Variants in HIRA observed in about 807,000 individuals in gnomAD.
HIRA encodes the protein histone cell cycle regulator.
HIRA carries 13 observed loss-of-function variants against 126.6 expected under a neutral mutation model. That is an observed-to-expected ratio of 0.10 (90% CI 0.07 to 0.16). HIRA has a LOEUF of 0.16. Ranked by LOEUF, HIRA falls within the 10% of genes least tolerant of loss-of-function variation. The pLI, the probability that HIRA is intolerant of heterozygous loss-of-function variation, is 1.00. For missense variants in HIRA, 834 were observed against 1,314.4 expected (o/e 0.63, Z 5.65); for synonymous variants, 511 against 520.0 (o/e 0.98, Z 0.24).
chr22:19,410,937 G>A (rs1779795087), intron 1 of HIRA, among the ~76,000 whole-genome samples, 159 bp from the exon 2 acceptor site: 1 of 152,230 alleles, frequency 6.6e-6, no homozygotes, highest in Admixed American at 6.5e-5. Context: ...CCATCACTGA[G>A]AATGGCTGAG....
chr22:19,359,621 G>A, intron 17 of HIRA, 137 bp from the exon 18 acceptor site: 1 of 949,960 alleles, frequency 1.1e-6, no homozygotes, highest in East Asian at 3.2e-5. Context: ...AGGAGAGGGA[G>A]GGCAGGTAGG....
At chr22:19,361,036 T>C (rs2088858580) in intron 17 of HIRA, among the ~76,000 whole-genome samples, 1 of 152,170 alleles carries the variant, frequency 6.6e-6, no homozygotes, top group South Asian at 2.1e-4. Context: ...AGACAGAGGC[T>C]ATGGGTGAGT....
At chr22:19,428,471 C>G (rs1268891120) in intron 1 of HIRA, among the ~76,000 whole-genome samples, 1 of 152,052 alleles carries the variant, frequency 6.6e-6, no homozygotes, top group Non-Finnish European at 1.5e-5. Flanking sequence ...GTTGGGAAAC[C>G]CTACCTTAGA....
intron 20 of HIRA, 117 bp downstream of exon 20, chr22:19,356,113 C>T: frequency 1.0e-6 from 1 of 974,300 alleles, no homozygotes. Flanking sequence ...CACCTCCTGC[C>T]TCACTGAGAG....
In HIRA at chr22:19,387,723, G is replaced by A. The variant is rs767368439; in HGVS notation, c.1101C>T (p.Ser367=). The A allele has an allele frequency of 5.6e-6, 9 of 1,613,548 alleles. No homozygotes were observed. Among genetic ancestry groups the A allele is most frequent in the Middle Eastern group, 1.6e-4 (1 of 6,084 alleles). ...GCCGTCAGCCTACCTTCTCCTCCTC[G>A]CTCAGGGGATCGCCAAGCTCATCCT... ...FSQDELGDPL[S]EEEKSRIHQS... The change falls in exon 11 of 25, where the codon AGC becomes AGT. Residue 367 remains serine (S), a synonymous_variant. Transcript: ENST00000263208.
intron 24 of HIRA, among the ~76,000 whole-genome samples, chr22:19,341,572 A>C (rs2088629827): frequency 6.6e-6 from 1 of 152,186 alleles, no homozygotes; most frequent in Non-Finnish European, 1.5e-5. Context: ...AGTTACCACC[A>C]AAACAGCATG....
intron 24 of HIRA, among the ~76,000 whole-genome samples, chr22:19,340,688 T>G (rs534518985): frequency 2.0e-5 from 3 of 152,296 alleles, no homozygotes; most frequent in Non-Finnish European, 4.4e-5. Flanking sequence ...ACAAAATCAA[T>G]GTACACAAAT....
intron 8 of HIRA, among the ~76,000 whole-genome samples, chr22:19,392,946 CAGA>C (rs2089194407): frequency 6.6e-6 from 1 of 152,124 alleles, no homozygotes; most frequent in Admixed American, 6.5e-5. Context: ...CAACTGAGGG[CAGA>C]AGAAGGAGGG....
intron 5 of HIRA, among the ~76,000 whole-genome samples, chr22:19,403,785 T>C (rs1393530269): frequency 1.3e-5 from 2 of 152,214 alleles, no homozygotes; most frequent in Admixed American, 6.5e-5. Context: ...TTCCTTTCAA[T>C]TATAAATATT....
At chr22:19,415,135 G>A (rs1601856314) in intron 1 of HIRA, among the ~76,000 whole-genome samples, 1 of 151,946 alleles carries the variant, frequency 6.6e-6, no homozygotes, top group Non-Finnish European at 1.5e-5. Flanking sequence ...TTACAGGCTT[G>A]AGCCACCCCG....
At chr22:19,424,514 G>A (rs1391566203) in intron 1 of HIRA, among the ~76,000 whole-genome samples, 1 of 152,226 alleles carries the variant, frequency 6.6e-6, no homozygotes, top group Non-Finnish European at 1.5e-5. Flanking sequence ...GCAGTCAGAG[G>A]ACAAGCTCCA....
chr22:19,378,385 G>A (rs1420963142), intron 13 of HIRA, among the ~76,000 whole-genome samples: 2 of 152,230 alleles, frequency 1.3e-5, no homozygotes, highest in African/African-American at 4.8e-5. Context: ...GGAATGAAAT[G>A]CAGCAATACA....
chr22:19,404,171 C>T (rs2089290856), intron 5 of HIRA, among the ~76,000 whole-genome samples: 1 of 152,106 alleles, frequency 6.6e-6, no homozygotes, highest in African/African-American at 2.4e-5. Flanking sequence ...CTTTCTTATT[C>T]ATTTACTTCT....
chr22:19,427,543 C>T (rs1038662303), intron 1 of HIRA, among the ~76,000 whole-genome samples: 13 of 152,166 alleles, frequency 8.5e-5, no homozygotes, highest in Admixed American at 1.3e-4. Flanking sequence ...ATAATCCAAT[C>T]GCAGGACAGG....
chr22:19,369,825 G>A (rs1601823576), intron 15 of HIRA, among the ~76,000 whole-genome samples: 1 of 152,134 alleles, frequency 6.6e-6, no homozygotes, highest in Admixed American at 6.5e-5. Flanking sequence ...CCAGCTACTA[G>A]GGAGGCTGAG....
At chr22:19,409,972 C>T (rs1473886887) in intron 2 of HIRA, among the ~76,000 whole-genome samples, 1 of 152,228 alleles carries the variant, frequency 6.6e-6, no homozygotes, top group African/African-American at 2.4e-5. Flanking sequence ...ACCCACCCTG[C>T]AGCACCTGGC....
chr22:19,394,523 C>G lies in HIRA; in HGVS notation c.655-14G>C. On this transcript the variant is annotated splice_polypyrimidine_tract_variant and intron_variant, in intron 7 of 24. Coordinates refer to ENST00000263208, the MANE Select transcript of HIRA (RefSeq NM_003325.4). ...CGTTCCTCCACACTGAAAGAAGCAT[C>G]TGCACTTGAAAGGAGCTCAAGGCCA... 6.2e-7 allele frequency: 1 copy of G among 1,612,508 alleles called. No homozygotes were observed. Among genetic ancestry groups the G allele is most frequent in the Non-Finnish European group, 8.5e-7 (1 of 1,178,928 alleles).
intron 24 of HIRA, among the ~76,000 whole-genome samples, chr22:19,339,314 T>C (rs2088600483): frequency 1.3e-5 from 2 of 151,990 alleles, no homozygotes; most frequent in South Asian, 2.1e-4. Context: ...AAGAGGAAAG[T>C]TGATAGCATT....
Position 19,405,799 on chromosome 22 carries a change from C to G in HIRA, c.384G>C (p.Arg128=). 1.4e-6 allele frequency: 2 copies of G among 1,467,828 alleles called. No homozygotes were observed. Among genetic ancestry groups the G allele is most frequent in the Non-Finnish European group, 1.8e-6 (2 of 1,101,186 alleles). The allele number at this position is 1,467,828 out of a possible 1,614,324, so 90.9% of individuals were successfully genotyped here. A position where few individuals can be genotyped will look rare whatever the true frequency, so the allele number is the denominator to read the frequency against. ...AGTCCCACTCACCGCCTGAATGATT[C>G]CGGAGGATAGAGACACACCGCCACT... is the stretch of plus-strand genomic sequence containing the variant. ...VEQWRCVSIL[R]NHSGDVMDVA... is the part of the protein sequence containing the mutation. The change falls in exon 5 of 25, where the codon CGG becomes CGC. Residue 128 remains arginine, a synonymous_variant. Transcript: ENST00000263208.
Sources: gnomAD v4.1 joint callset for allele counts (sites outside exome capture counted in the v4.1 genomes callset) on GRCh38, gnomAD v4.1.1 for gene constraint, MANE v1.5 for transcripts, NCBI Gene and HGNC (gene_info 2026-07-23, HGNC 2026-07-21) for gene names.